Variants in STAU2 observed in about 807,000 individuals in gnomAD.
STAU2 encodes double-stranded RNA-binding protein Staufen homolog 2.
In STAU2, 20 loss-of-function variants were observed where a neutral mutation model predicts 65.9. The observed-to-expected ratio is 0.30, with a 90% CI of 0.21 to 0.44. The LOEUF (loss-of-function observed/expected upper bound fraction) is 0.44. Among genes scored for constraint, STAU2 ranks in the 20% least tolerant of loss-of-function variants. STAU2 has a pLI of 1.00. For missense variants in STAU2, 558 were observed against 683.9 expected (o/e 0.82, Z 2.05); for synonymous variants, 232 against 233.9 (o/e 0.99, Z 0.07).
intron 13 of STAU2, among the ~76,000 whole-genome samples, chr8:73,469,841 G>A: frequency 6.6e-6 from 1 of 152,248 alleles, no homozygotes; most frequent in Middle Eastern, 3.4e-3. Context: ...CAGGAAATAT[G>A]GGAAACCGCT....
intron 13 of STAU2, among the ~76,000 whole-genome samples, chr8:73,539,886 A>T (rs564929077): frequency 7.9e-5 from 12 of 151,942 alleles, no homozygotes; most frequent in South Asian, 6.2e-4. Context: ...TGAAACTAAG[A>T]GGAAAAAAAT....
chr8:73,423,542 C>T (rs1816565172), intron 13 of STAU2, among the ~76,000 whole-genome samples: 1 of 152,156 alleles, frequency 6.6e-6, no homozygotes, highest in African/African-American at 2.4e-5. Context: ...CATGAGCAGG[C>T]AGGGCTGTTT....
intron 4 of STAU2, 114 bp downstream of exon 4, chr8:73,708,918 C>A (rs1320097775): frequency 1.3e-5 from 13 of 979,400 alleles, no homozygotes; most frequent in Admixed American, 3.7e-5. Flanking sequence ...GAACTAAAAG[C>A]CTTCAAGCCA....
rs572689805 is a variant in STAU2 at position 73,603,880 on chromosome 8, G to T, written c.892-17C>A. The T allele has an allele frequency of 2.5e-6, 4 of 1,572,630 alleles. No homozygotes were observed. The highest frequency in any genetic ancestry group is 3.4e-6 in the Non-Finnish European group (4 of 1,166,140). ...TGGTCCGGCCTAAAAATTAATTTAA[G>T]AAAAAGTTTTAAAATATGCTTGTGA... On this transcript the variant is annotated splice_polypyrimidine_tract_variant and intron_variant, in intron 9 of 14. Transcript: ENST00000524300.
intron 6 of STAU2, among the ~76,000 whole-genome samples, chr8:73,633,238 C>A (rs1814232733): frequency 1.3e-5 from 2 of 152,166 alleles, no homozygotes; most frequent in African/African-American, 2.4e-5. Context: ...GTTATCATTT[C>A]CATTTTACAG....
chr8:73,434,626 C>T (rs1585743011), intron 13 of STAU2, among the ~76,000 whole-genome samples: 1 of 151,798 alleles, frequency 6.6e-6, no homozygotes, highest in East Asian at 1.9e-4. Flanking sequence ...CGTGACTGCA[C>T]CGGATTATCT....
chr8:73,731,849 G>C (rs1461412564), intron 3 of STAU2, among the ~76,000 whole-genome samples: 1 of 152,164 alleles, frequency 6.6e-6, no homozygotes, highest in Non-Finnish European at 1.5e-5. Flanking sequence ...TGAGGCAGGA[G>C]AATCACCTGA....
intron 13 of STAU2, among the ~76,000 whole-genome samples, chr8:73,490,627 T>C (rs1821111406): frequency 6.6e-6 from 1 of 152,022 alleles, no homozygotes; most frequent in South Asian, 2.1e-4. Flanking sequence ...CCAAGGAGTA[T>C]AGCTCTATTC....
At position 73,709,088 on chromosome 8, in the gene STAU2, T is replaced by A; in HGVS notation, c.58A>T (p.Asn20Tyr). The stretch of plus-strand genomic sequence containing the variant: ...AGTTTATACTGGGGTTGGACTCTAT[T>A]GAAACGGGCTAACTCATTTACCAGA... ...MCLVNELARF[N>Y]RVQPQYKLLN... Residue 20 changes from asparagine to tyrosine, a missense_variant, in exon 4 of 15, where the codon AAT becomes TAT. This residue lies in a region of STAU2 where 112 missense variants were observed against 114.2 expected (regional missense o/e 0.98). Transcript: ENST00000524300. 1.3e-6 allele frequency: 2 copies of A among 1,533,876 alleles called. No homozygotes were observed. The highest frequency in any genetic ancestry group is 1.7e-6 in the Non-Finnish European group (2 of 1,145,158).
At chr8:73,684,415 G>A (rs1378479521) in intron 5 of STAU2, among the ~76,000 whole-genome samples, 1 of 152,118 alleles carries the variant, frequency 6.6e-6, no homozygotes, top group African/African-American at 2.4e-5. Context: ...ACATGGAGAA[G>A]AATGAAACTG....
chr8:73,557,581 T>G (rs1807885543), intron 12 of STAU2, among the ~76,000 whole-genome samples: 1 of 152,216 alleles, frequency 6.6e-6, no homozygotes, highest in Non-Finnish European at 1.5e-5. Context: ...TTTCCCACAC[T>G]TCTCCCACAA....
Position 73,741,007 on chromosome 8 carries a change from A to AG in STAU2, c.-196-1140_-196-1139insC, listed in dbSNP as rs1264790111. On this transcript the variant is annotated intron_variant, in intron 1 of 14. Coordinates refer to ENST00000524300, the MANE Select transcript of STAU2 (RefSeq NM_001164380.2). Reference sequence around the variant, plus strand: ...GTGACAGAGCAAGACTTCATCTCAGAAAAAAAAAAAAAAAAAGGCCAGGCG... The same window carrying AG: ...GTGACAGAGCAAGACTTCATCTCAGAGAAAAAAAAAAAAAAAAGGCCAGGCG... Among the ~76,000 whole-genome samples, 16 of 127,558 alleles carry AG rather than the reference A, an allele frequency of 1.3e-4. No individual in the cohort carries two copies. In the South Asian group the frequency reaches 4.4e-3, roughly 35 times the overall value. The allele number at this position is 127,558 out of a possible 152,430, so 83.7% of individuals were successfully genotyped here.
chr8:73,687,711 TTTTG>T (rs575637120), intron 5 of STAU2, among the ~76,000 whole-genome samples: 150 of 150,838 alleles, frequency 9.9e-4, no homozygotes, highest in African/African-American at 3.4e-3. Flanking sequence ...CCACTATCAT[TTTTG>T]TTTGTTTGTT....
In STAU2 at chr8:73,741,412, T is replaced by A. The variant is rs534174104; in HGVS notation, c.-196-1544A>T. Among the ~76,000 whole-genome samples the A allele has an allele frequency of 2.0e-5, 3 of 152,304 alleles. No individual in the cohort carries two copies. The South Asian group carries it at 6.2e-4, about 32-fold the overall frequency. ...TTACAAATGCTTATCTACAGATCTCTATGTATTTCTTCAATATTAGAGGCT... is the reference window on the plus strand; with the variant it reads ...TTACAAATGCTTATCTACAGATCTCAATGTATTTCTTCAATATTAGAGGCT... On this transcript the variant is annotated intron_variant, in intron 1 of 14. Transcript: ENST00000524300.
At chr8:73,452,141 C>G (rs1818833156) in intron 13 of STAU2, among the ~76,000 whole-genome samples, 1 of 152,174 alleles carries the variant, frequency 6.6e-6, no homozygotes, top group African/African-American at 2.4e-5. Context: ...GGCTCGCTTT[C>G]TAGTATTTCA....
chr8:73,449,161 G>C (rs1306514980), intron 13 of STAU2, among the ~76,000 whole-genome samples: 1 of 152,332 alleles, frequency 6.6e-6, no homozygotes, highest in East Asian at 1.9e-4. Context: ...GCAGGGGCCG[G>C]GCGAGTTAGG....
chr8:73,662,817 T>G (rs953028927), intron 6 of STAU2, among the ~76,000 whole-genome samples: 2 of 152,098 alleles, frequency 1.3e-5, no homozygotes, highest in Non-Finnish European at 2.9e-5. Flanking sequence ...GTTTTCTCCA[T>G]GTTGGTCAGG....
intron 6 of STAU2, among the ~76,000 whole-genome samples, chr8:73,660,885 C>T (rs980971058): frequency 1.3e-5 from 2 of 152,082 alleles, no homozygotes; most frequent in Non-Finnish European, 2.9e-5. Flanking sequence ...GAAATAATAA[C>T]AGAATCACAG....
chr8:73,617,449 T>C lies in STAU2; in HGVS notation c.413A>G (p.Tyr138Cys), dbSNP rs773351491. The change falls in exon 7 of 15, where the codon TAT (tyrosine) becomes TGT (cysteine). Residue 138 changes from tyrosine (Y) to cysteine (C), a missense_variant and splice_region_variant. Coordinates refer to ENST00000524300, the MANE Select transcript of STAU2 (RefSeq NM_001164380.2). ...AAAGATCTTAGGCACTGGGCAATGA[T>C]ACCTAAAATAAGAAAATAAAAACAT... ...YNFRGMYNQR[Y>C]HCPVPKIFYV... The C allele has an allele frequency of 1.2e-6, 2 of 1,611,124 alleles. No homozygotes were observed. Among genetic ancestry groups the C allele is most frequent in the Admixed American group, 1.7e-5 (1 of 59,342 alleles).
Sources: allele counts gnomAD v4.1 joint callset (sites outside exome capture counted in the v4.1 genomes callset), GRCh38; gene constraint gnomAD v4.1.1; regional missense constraint gnomAD v4.1.1; transcripts MANE v1.5; gene names NCBI Gene and HGNC (gene_info 2026-07-23, HGNC 2026-07-21).